The following ANO6 variants were observed in gnomAD, a reference collection of about 807,000 sequenced individuals.
ANO6 encodes the protein anoctamin 6, also known as anoctamin-6.
A neutral mutation model predicts 117.5 loss-of-function variants in ANO6; 106 were observed. That is an observed-to-expected ratio of 0.90 (90% confidence interval 0.77 to 1.06). The LOEUF (loss-of-function observed/expected upper bound fraction) is 1.06. ANO6 is among the 50% of genes least tolerant of loss of function. The pLI is 0.00. For synonymous variants in ANO6, 367 were observed against 385.1 expected (o/e 0.95, Z 0.55); for missense variants, 955 against 1,121.1 (o/e 0.85, Z 2.12).
At chr12:45,401,267 A>G (rs944220163) in intron 12 of ANO6, among the ~76,000 whole-genome samples, 2 of 152,226 alleles carry the variant, frequency 1.3e-5, no homozygotes, top group African/African-American at 4.8e-5. Context: ...GCACCTGCTG[A>G]CACTTCAATT....
At chr12:45,393,545 A>T (rs1042482501) in intron 12 of ANO6, among the ~76,000 whole-genome samples, 1 of 152,228 alleles carries the variant, frequency 6.6e-6, no homozygotes, top group African/African-American at 2.4e-5. Context: ...CATAATTGTC[A>T]GATTCACCAA....
intron 1 of ANO6, among the ~76,000 whole-genome samples, chr12:45,251,445 CA>C (rs1947899894): frequency 6.6e-6 from 1 of 152,180 alleles, no homozygotes. Context: ...CAGTCTGATT[CA>C]AGATGGCATC....
chr12:45,431,907 C>T lies in ANO6; in HGVS notation c.*2596C>T, dbSNP rs1206098737. 1.0e-6 allele frequency: 1 copy of T among 985,248 alleles called. No individual in the cohort carries two copies. Among genetic ancestry groups the T allele is most frequent in the Admixed American group, 6.2e-5 (1 of 16,258 alleles). The allele number at this position is 985,248 out of a possible 1,614,324, so 61.0% of individuals were successfully genotyped here. A position where few individuals can be genotyped will look rare whatever the true frequency, so the allele number is the denominator to read the frequency against. On this transcript the variant is annotated 3_prime_UTR_variant, in exon 20 of 20. Transcript: ENST00000320560. Reference sequence around the variant, plus strand: ...GCATATTGAAACATTAGAGCAAATACTCAGGGGATTTTTCATTAAACATCC... The same window carrying T: ...GCATATTGAAACATTAGAGCAAATATTCAGGGGATTTTTCATTAAACATCC...
intron 10 of ANO6, among the ~76,000 whole-genome samples, chr12:45,386,291 A>G (rs1942296382): frequency 6.6e-6 from 1 of 152,090 alleles, no homozygotes; most frequent in Non-Finnish European, 1.5e-5. Context: ...CTCAATCCAG[A>G]TCTTCCTCCT....
intron 3 of ANO6, among the ~76,000 whole-genome samples, chr12:45,343,407 A>T (rs1941036834): frequency 6.6e-6 from 1 of 152,110 alleles, no homozygotes; most frequent in Non-Finnish European, 1.5e-5. Context: ...ACAGGCATGG[A>T]TCCTGCTATG....
At position 45,430,861 on chromosome 12, in the gene ANO6, G is replaced by A; in HGVS notation, c.*1550G>A. The A allele has an allele frequency of 1.0e-6, 1 of 985,418 alleles. No individual in the cohort carries two copies. The highest frequency in any genetic ancestry group is 1.2e-6 in the Non-Finnish European group (1 of 829,950). The allele number at this position is 985,418 out of a possible 1,614,324, so 61.0% of individuals were successfully genotyped here. On this transcript the variant is annotated 3_prime_UTR_variant, in exon 20 of 20. Transcript: ENST00000320560. ...TACTGGTAACAGGTCATTGCTGGGT[G>A]CACAAGAGGGAGGTGATTTGCATCA...
Position 45,357,418 on chromosome 12 carries a change from C to T in ANO6, c.992C>T (p.Thr331Ile). The change falls in exon 8 of 20, where the codon ACA (threonine) becomes ATA (isoleucine). Residue 331 changes from threonine to isoleucine, a missense_variant. Coordinates refer to ENST00000320560, the MANE Select transcript of ANO6 (RefSeq NM_001025356.3). ...LYGYLNQDNC[T>I]WSKEVCHPDI... ...GGATATCTTAATCAAGATAACTGTACATGGAGGTAACCTCTGTTTATTCCT... is the reference window on the plus strand; with the variant it reads ...GGATATCTTAATCAAGATAACTGTATATGGAGGTAACCTCTGTTTATTCCT... 6.2e-7 allele frequency: 1 copy of T among 1,613,482 alleles called. No individual in the cohort carries two copies.
intron 1 of ANO6, among the ~76,000 whole-genome samples, chr12:45,249,378 ATT>A (rs1947870157): frequency 1.3e-5 from 2 of 152,210 alleles, no homozygotes; most frequent in African/African-American, 4.8e-5. Context: ...ATTCTGAGGT[ATT>A]TATTCTTTAG....
chr12:45,227,186 C>T (rs922893993), intron 1 of ANO6, among the ~76,000 whole-genome samples: 3 of 152,152 alleles, frequency 2.0e-5, no homozygotes, highest in African/African-American at 7.2e-5. Context: ...GACAAGGTTT[C>T]ACCATGTTGG....
chr12:45,370,916 G>C (rs1216257609), intron 9 of ANO6, among the ~76,000 whole-genome samples: 3 of 152,234 alleles, frequency 2.0e-5, no homozygotes, highest in Admixed American at 2.0e-4. Flanking sequence ...CAACGCAGGA[G>C]ACGGGTGATT....
At chr12:45,369,462 A>C (rs188258879) in intron 9 of ANO6, among the ~76,000 whole-genome samples, 6 of 152,244 alleles carry the variant, frequency 3.9e-5, no homozygotes, top group African/African-American at 9.6e-5. Context: ...CTCCTTAAGC[A>C]CATGACTTTC....
At chr12:45,240,991 T>C (rs1373045131) in intron 1 of ANO6, among the ~76,000 whole-genome samples, 1 of 152,230 alleles carries the variant, frequency 6.6e-6, no homozygotes, top group Admixed American at 6.5e-5. Flanking sequence ...CATTTTTTCC[T>C]TCATTTCAAC....
rs1340572708 is a variant in ANO6 at position 45,423,010 on chromosome 12, T to A, written c.2474T>A (p.Ile825Asn). The A allele has an allele frequency of 1.2e-6, 2 of 1,614,058 alleles. No individual in the cohort carries two copies. The highest frequency in any genetic ancestry group is 2.7e-5 in the African/African-American group (2 of 74,946). The change falls in exon 19 of 20, where the codon ATC (isoleucine) becomes AAC (asparagine). Residue 825 changes from isoleucine to asparagine, a missense_variant. By Grantham distance (149) the Ile-to-Asn change is moderately radical. Transcript: ENST00000320560. ...PGHPQEYKHN[I>N]YYWHVIAAKL... ...CACCCCCAGGAGTATAAACACAACATCTACTATTGGCATGTGATTGCAGCC... is the reference window on the plus strand; with the variant it reads ...CACCCCCAGGAGTATAAACACAACAACTACTATTGGCATGTGATTGCAGCC...
intron 2 of ANO6, among the ~76,000 whole-genome samples, chr12:45,323,935 A>AT (rs761870704): frequency 0.39 from 42,566 of 108,294 alleles, 10,034 homozygotes; most frequent in Non-Finnish European, 0.52. Context: ...TTGTTGTTGT[A>AT]TTTTTTTTTT....
chr12:45,221,030 A>G (rs1947388178), intron 1 of ANO6, among the ~76,000 whole-genome samples: 1 of 151,076 alleles, frequency 6.6e-6, no homozygotes, highest in Non-Finnish European at 1.5e-5. Flanking sequence ...CAGGCAAAAC[A>G]ACCTGGGGCC....
rs1942840859 is a variant in ANO6, at chr12:45,403,205, C to T, written c.1746C>T (p.Asp582=). 1.2e-6 allele frequency: 2 copies of T among 1,613,842 alleles called. No homozygotes were observed. The highest frequency in any genetic ancestry group is 1.7e-6 in the Non-Finnish European group (2 of 1,179,874). Residue 582 remains aspartate, a synonymous_variant, in exon 14 of 20, where the codon GAC becomes GAT. Coordinates refer to ENST00000320560, the MANE Select transcript of ANO6 (RefSeq NM_001025356.3). ...GCAAATTTGTAGGCTATCCAGGAGA[C>T]CCAGTTTATTGGTTGGGAAAATACA... ...FKGKFVGYPG[D]PVYWLGKYRN...
At chr12:45,238,096 C>T (rs571690118) in intron 1 of ANO6, among the ~76,000 whole-genome samples, 1 of 150,718 alleles carries the variant, frequency 6.6e-6, no homozygotes, top group East Asian at 1.9e-4. Context: ...GCTGAAGTTG[C>T]TTATCAGCTT....
chr12:45,384,288 A>T (rs192340290), intron 10 of ANO6, among the ~76,000 whole-genome samples: 56 of 152,322 alleles, frequency 3.7e-4, no homozygotes, highest in African/African-American at 1.3e-3. Flanking sequence ...CAGATCATTA[A>T]AACTTTCTCC....
intron 19 of ANO6, chr12:45,439,622 G>C: frequency 1.5e-6 from 2 of 1,300,736 alleles, no homozygotes; most frequent in Non-Finnish European, 2.0e-6. Flanking sequence ...ATAATTACCA[G>C]AGTATTCAAG....
Sources: allele counts gnomAD v4.1 joint callset (sites outside exome capture counted in the v4.1 genomes callset), GRCh38; gene constraint gnomAD v4.1.1; transcripts MANE v1.5; gene names NCBI Gene and HGNC (gene_info 2026-07-23, HGNC 2026-07-21).